The following KCNK12 variants were observed in gnomAD, a reference collection of about 807,000 sequenced individuals.
The protein encoded by KCNK12 is potassium two pore domain channel subfamily K member 12, also known as potassium channel subfamily K member 12.
KCNK12 carries 6 observed loss-of-function variants against 25.3 expected under a neutral mutation model. That is an observed-to-expected ratio of 0.24 (90% CI 0.13 to 0.47). KCNK12 has a LOEUF of 0.47. Ranked by LOEUF, KCNK12 falls within the 20% of genes least tolerant of loss-of-function variation. The probability of loss-of-function intolerance (pLI) is 0.99; values close to 1 mark genes in which losing one functional copy is unlikely to be tolerated. For missense variants in KCNK12, 444 were observed against 661.7 expected, an observed-to-expected ratio of 0.67 and a Z score of 3.61; for synonymous variants, 331 against 311.1, an observed-to-expected ratio of 1.06 and a Z score of -0.67.
chr2:47,510,599 G>C lies in KCNK12; in HGVS notation c.*10308C>G, dbSNP rs894755837. On this transcript the variant is annotated 3_prime_UTR_variant, in exon 2 of 2. Transcript: ENST00000327876. ...CCCTACACTCTCACCGCACGTATTT[G>C]GTCAGCTATGAATATGACCAACTCT... Among the ~76,000 whole-genome samples the C allele has an allele frequency of 1.3e-5, 2 of 152,146 alleles. No individual in the cohort carries two copies. Among genetic ancestry groups the C allele is most frequent in the Admixed American group, 1.3e-4 (2 of 15,274 alleles).
intron 1 of KCNK12, among the ~76,000 whole-genome samples, chr2:47,545,664 G>A (rs1392205905): frequency 1.3e-5 from 2 of 152,156 alleles, no homozygotes; most frequent in African/African-American, 4.8e-5. Flanking sequence ...GCCTCTTTTT[G>A]CCTCAATTTC....
rs765101688 is a variant in KCNK12 at position 47,509,515 on chromosome 2, G to C, written c.*11392C>G. 2.0e-5 allele frequency among the ~76,000 whole-genome samples: 3 copies of C among 152,240 alleles called. No homozygotes were observed. The highest frequency in any genetic ancestry group is 4.4e-5 in the Non-Finnish European group (3 of 68,044). On this transcript the variant is annotated 3_prime_UTR_variant, in exon 2 of 2. Coordinates refer to ENST00000327876, the MANE Select transcript of KCNK12 (RefSeq NM_022055.2). Reference sequence around the variant, plus strand: ...ATTAGCTGGCTGGAGGTGGCCTGCTGTGTGCAGATGGTACCTGGTGCAGGA... The same window carrying C: ...ATTAGCTGGCTGGAGGTGGCCTGCTCTGTGCAGATGGTACCTGGTGCAGGA...
Position 47,520,954 on chromosome 2 carries a change from G to A in KCNK12, c.1246C>T (p.Leu416=). 2.3e-6 allele frequency: 3 copies of A among 1,297,246 alleles called. No homozygotes were observed. Among genetic ancestry groups the A allele is most frequent in the Non-Finnish European group, 2.9e-6 (3 of 1,020,522 alleles). 80.4% of individuals were successfully genotyped at this position (1,297,246 alleles called of 1,614,324 possible). ...QNGFSGGVGA[L]GIMNNRLAET... ...GCCAGCCGGTTGTTCATGATGCCCAGCGCGCCCACGCCGCCCGAGAAGCCG... is the reference window on the plus strand; with the variant it reads ...GCCAGCCGGTTGTTCATGATGCCCAACGCGCCCACGCCGCCCGAGAAGCCG... Residue 416 remains leucine (L), a synonymous_variant, in exon 2 of 2, where the codon CTG becomes TTG. Coordinates refer to ENST00000327876, the MANE Select transcript of KCNK12 (RefSeq NM_022055.2). The surrounding 1 kb of genome is among the most constrained non-coding windows in gnomAD (Gnocchi z 5.0).
rs1405024587 is a variant in KCNK12, at chr2:47,540,456, G to T, written c.392-18648C>A. ...ATGCCATCTCTAAATTAAAATGGGTGATCAGAAAATAGCAGGTGAACGATA... is the reference window on the plus strand; with the variant it reads ...ATGCCATCTCTAAATTAAAATGGGTTATCAGAAAATAGCAGGTGAACGATA... On this transcript the variant is annotated intron_variant, in intron 1 of 1. Coordinates refer to ENST00000327876, the MANE Select transcript of KCNK12 (RefSeq NM_022055.2). This position sits in a 1 kb window ranked among gnomAD's most constrained non-coding sequence, Gnocchi z 5.4. 6.6e-6 allele frequency among the ~76,000 whole-genome samples: 1 copy of T among 152,190 alleles called. No homozygotes were observed. The highest frequency in any genetic ancestry group is 1.5e-5 in the Non-Finnish European group (1 of 68,042).
Position 47,562,715 on chromosome 2 carries a change from G to C in KCNK12, c.391+7226C>G, listed in dbSNP as rs949904848. ...CAGTACCCTTCTTCATTCTCTACCA[G>C]CACCTCCCCAACCTCCTGGAAACTG... On this transcript the variant is annotated intron_variant, in intron 1 of 1. Coordinates refer to ENST00000327876, the MANE Select transcript of KCNK12 (RefSeq NM_022055.2). This position sits in a 1 kb window ranked among gnomAD's most constrained non-coding sequence, Gnocchi z 4.8. The C allele has an allele frequency of 4.3e-6, 1 of 233,086 alleles. No homozygotes were observed. Among genetic ancestry groups the C allele is most frequent in the African/African-American group, 2.2e-5 (1 of 45,302 alleles). The allele number at this position is 233,086 out of a possible 1,614,324, so 14.4% of individuals were successfully genotyped here.
At chr2:47,561,588 G>C (rs1250501437) in intron 1 of KCNK12, among the ~76,000 whole-genome samples, 4 of 152,144 alleles carry the variant, frequency 2.6e-5, no homozygotes, top group Admixed American at 2.6e-4. Flanking sequence ...CTCCTTCACA[G>C]AGAGGCAGGG....
intron 1 of KCNK12, chr2:47,527,821 C>T (rs1186999953): frequency 6.6e-6 from 1 of 152,300 alleles, no homozygotes; most frequent in Non-Finnish European, 1.5e-5. Context: ...CCAACATCCA[C>T]CTATTCATTC....
rs147230298 is a variant in KCNK12, at chr2:47,529,977, C to G, written c.392-8169G>C. Reference sequence around the variant, plus strand: ...TCTTTTTATTTCCTAAACCTGGCAACCCTACTCATGACTCCACTTGTCAGC... The same window carrying G: ...TCTTTTTATTTCCTAAACCTGGCAAGCCTACTCATGACTCCACTTGTCAGC... On this transcript the variant is annotated intron_variant, in intron 1 of 1. Coordinates refer to ENST00000327876, the MANE Select transcript of KCNK12 (RefSeq NM_022055.2). This position sits in a 1 kb window ranked among gnomAD's most constrained non-coding sequence, Gnocchi z 4.3. 9.2e-5 allele frequency among the ~76,000 whole-genome samples: 14 copies of G among 152,296 alleles called. No homozygotes were observed. The highest frequency in any genetic ancestry group is 3.1e-4 in the African/African-American group (13 of 41,550).
chr2:47,562,230 C>T lies in KCNK12; in HGVS notation c.391+7711G>A, dbSNP rs11691809. ...TCCAGGCACCTTACAGTTTGAAAAG[C>T]ACTGCTGCATGCTATCCTACCTTCC... On this transcript the variant is annotated intron_variant, in intron 1 of 1. Coordinates refer to ENST00000327876, the MANE Select transcript of KCNK12 (RefSeq NM_022055.2). The surrounding 1 kb of genome is among the most constrained non-coding windows in gnomAD (Gnocchi z 4.8). The T allele has an allele frequency of 0.015, 6,015 of 398,202 alleles. 63 individuals carry two copies. The highest frequency in any genetic ancestry group is 0.019 in the Non-Finnish European group (4,265 of 225,988). The allele number at this position is 398,202 out of a possible 1,614,324, so 24.7% of individuals were successfully genotyped here. A position where few individuals can be genotyped will look rare whatever the true frequency, so the allele number is the denominator to read the frequency against.
chr2:47,524,377 A>T (rs537623866), intron 1 of KCNK12, among the ~76,000 whole-genome samples: 1 of 152,386 alleles, frequency 6.6e-6, no homozygotes, highest in African/African-American at 2.4e-5. Flanking sequence ...CAGCAATTAA[A>T]AAGCATGAAC....
At position 47,556,128 on chromosome 2, in the gene KCNK12, A is replaced by G. The variant is rs1015795577; in HGVS notation, c.391+13813T>C. ...TGTAAAGGAGGGCAGAGAAATGGGA[A>G]AGTAGCAGGAGGGTGATGCAGGGTC... On this transcript the variant is annotated intron_variant, in intron 1 of 1. Transcript: ENST00000327876. The surrounding 1 kb of genome is among the most constrained non-coding windows in gnomAD (Gnocchi z 4.8). Among the ~76,000 whole-genome samples, 4 of 152,188 alleles carry G rather than the reference A, an allele frequency of 2.6e-5. No homozygotes were observed. The highest frequency in any genetic ancestry group is 4.8e-5 in the African/African-American group (2 of 41,454).
Position 47,509,601 on chromosome 2 carries a change from C to T in KCNK12, c.*11306G>A, listed in dbSNP as rs201362744. ...ACCCTGTCCGAGGACTGTGGCATGA[C>T]GTGCTGGAGTCACGATTCTGTCACC... On this transcript the variant is annotated 3_prime_UTR_variant, in exon 2 of 2. Coordinates refer to ENST00000327876, the MANE Select transcript of KCNK12 (RefSeq NM_022055.2). 8.5e-5 allele frequency among the ~76,000 whole-genome samples: 13 copies of T among 152,334 alleles called. No homozygotes were observed. In the East Asian group the frequency reaches 1.7e-3, roughly 20 times the overall value.
chr2:47,524,360 A>G (rs1167999323), intron 1 of KCNK12, among the ~76,000 whole-genome samples: 1 of 152,244 alleles, frequency 6.6e-6, no homozygotes. Flanking sequence ...TAAAAAGGAA[A>G]ACTATACAGC....
chr2:47,526,840 T>C (rs1011141540), intron 1 of KCNK12, among the ~76,000 whole-genome samples: 2 of 152,172 alleles, frequency 1.3e-5, no homozygotes, highest in Non-Finnish European at 2.9e-5. Flanking sequence ...TTAAAGACAA[T>C]AGATGAGACA....
rs1407367109 is a variant in KCNK12 at position 47,569,107 on chromosome 2, G to T, written c.391+834C>A. 2.6e-5 allele frequency among the ~76,000 whole-genome samples: 4 copies of T among 152,004 alleles called. No homozygotes were observed. The highest frequency in any genetic ancestry group is 9.7e-5 in the African/African-American group (4 of 41,368). On this transcript the variant is annotated intron_variant, in intron 1 of 1. Transcript: ENST00000327876. This position sits in a 1 kb window ranked among gnomAD's most constrained non-coding sequence, Gnocchi z 4.1. ...ACAGAGGGAGGGGTGGGGGCCTGAAGGAGTATTGACACAGCATTCTTCATA... is the reference window on the plus strand; with the variant it reads ...ACAGAGGGAGGGGTGGGGGCCTGAATGAGTATTGACACAGCATTCTTCATA...
rs1346443596 is a variant in KCNK12 at position 47,510,645 on chromosome 2, T to C, written c.*10262A>G. ...ACTCTCGTCGTTTATCTCTATTCAGTGGAACACAGCAGCACTGTGACCTGC... is the reference window on the plus strand; with the variant it reads ...ACTCTCGTCGTTTATCTCTATTCAGCGGAACACAGCAGCACTGTGACCTGC... On this transcript the variant is annotated 3_prime_UTR_variant, in exon 2 of 2. Coordinates refer to ENST00000327876, the MANE Select transcript of KCNK12 (RefSeq NM_022055.2). Among the ~76,000 whole-genome samples, 1 of 152,186 alleles carries C rather than the reference T, an allele frequency of 6.6e-6. No individual in the cohort carries two copies. Among genetic ancestry groups the C allele is most frequent in the African/African-American group, 2.4e-5 (1 of 41,448 alleles).
chr2:47,547,497 G>C lies in KCNK12; in HGVS notation c.391+22444C>G, dbSNP rs1669338326. On this transcript the variant is annotated intron_variant, in intron 1 of 1. Coordinates refer to ENST00000327876, the MANE Select transcript of KCNK12 (RefSeq NM_022055.2). The surrounding 1 kb of genome is among the most constrained non-coding windows in gnomAD (Gnocchi z 5.0). ...TCTATTGCCCAGGCTGGAGTGCAAT[G>C]GCACGATCATAGCTCACTGCATCCT... Among the ~76,000 whole-genome samples the C allele has an allele frequency of 6.6e-6, 1 of 152,038 alleles. No homozygotes were observed. Among genetic ancestry groups the C allele is most frequent in the South Asian group, 2.1e-4 (1 of 4,822 alleles).
rs886234358 is a variant in KCNK12, at chr2:47,525,976, TG to T, written c.392-4169del. On this transcript the variant is annotated intron_variant, in intron 1 of 1. Coordinates refer to ENST00000327876, the MANE Select transcript of KCNK12 (RefSeq NM_022055.2). This position sits in a 1 kb window ranked among gnomAD's most constrained non-coding sequence, Gnocchi z 4.1. ...CATCCACTGCGGGTCCCCTGAGCCATGTGTCAGCCCAGAGCTAGAGGGGGAG... is the reference window on the plus strand; with the variant it reads ...CATCCACTGCGGGTCCCCTGAGCCATTGTCAGCCCAGAGCTAGAGGGGGAG... 2.6e-5 allele frequency among the ~76,000 whole-genome samples: 4 copies of T among 152,276 alleles called. No homozygotes were observed. Among genetic ancestry groups the T allele is most frequent in the Admixed American group, 2.0e-4 (3 of 15,302 alleles).
chr2:47,546,535 T>G (rs1050371733), intron 1 of KCNK12, among the ~76,000 whole-genome samples: 3 of 152,172 alleles, frequency 2.0e-5, no homozygotes, highest in African/African-American at 2.4e-5. Flanking sequence ...CGAGCACCTA[T>G]AGTCCCAGAT....
Sources: gnomAD v4.1 joint callset for allele counts (sites outside exome capture counted in the v4.1 genomes callset) on GRCh38, gnomAD v4.1.1 for gene constraint, Gnocchi (gnomAD v3.1) non-coding constraint, MANE v1.5 for transcripts, NCBI Gene and HGNC (gene_info 2026-07-23, HGNC 2026-07-21) for gene names.